The following SYNJ1 variants were observed in gnomAD, a reference collection of about 807,000 sequenced individuals.
The protein encoded by SYNJ1 is synaptojanin 1, also known as polyphosphatidylinositol phosphatase SYNJ1.
Under a neutral mutation model 168.2 loss-of-function variants are expected in SYNJ1, and 78 were observed. That is an observed-to-expected ratio of 0.46 (90% CI 0.39 to 0.56). The LOEUF is 0.56. SYNJ1 is among the 20% of genes least tolerant of loss of function. SYNJ1 has a pLI of 0.00. For missense variants in SYNJ1, 1,303 were observed against 1,597.6 expected (o/e 0.82, Z 3.14); for synonymous variants, 539 against 548.6 (o/e 0.98, Z 0.24).
chr21:32,643,411 T>C lies in SYNJ1; in HGVS notation c.3477A>G (p.Glu1159=). Residue 1159 remains glutamate (E), a splice_region_variant and synonymous_variant, in exon 27 of 33, where the codon GAA becomes GAG. Transcript: ENST00000674351. ...PSPGVARREM[E]APKSPGTTRK... ...TCTATAATGCAAGAGTCTTGTTACCTTCCATCTCTCTCCTAGCTACCCCAG... is the reference window on the plus strand; with the variant it reads ...TCTATAATGCAAGAGTCTTGTTACCCTCCATCTCTCTCCTAGCTACCCCAG... The C allele has an allele frequency of 6.2e-7, 1 of 1,613,676 alleles. No individual in the cohort carries two copies. The highest frequency in any genetic ancestry group is 8.5e-7 in the Non-Finnish European group (1 of 1,179,762).
chr21:32,642,781 C>T (rs963123822), intron 27 of SYNJ1, among the ~76,000 whole-genome samples: 9 of 152,196 alleles, frequency 5.9e-5, no homozygotes, highest in Non-Finnish European at 1.2e-4. Flanking sequence ...ATAAATTACT[C>T]TTGGAGCCAA....
chr21:32,724,188 T>C (rs1423751801), intron 2 of SYNJ1, among the ~76,000 whole-genome samples: 1 of 152,058 alleles, frequency 6.6e-6, no homozygotes, highest in Non-Finnish European at 1.5e-5. Flanking sequence ...TTTGCTTTAA[T>C]ATAAAAAATG....
chr21:32,686,082 T>A (rs1267448482), intron 8 of SYNJ1, among the ~76,000 whole-genome samples, 165 bp from the exon 9 acceptor site: 1 of 152,202 alleles, frequency 6.6e-6, no homozygotes, highest in African/African-American at 2.4e-5. Flanking sequence ...TGTACTTAAA[T>A]AATATTCTCA....
At chr21:32,725,911 G>A (rs2043430028) in intron 2 of SYNJ1, among the ~76,000 whole-genome samples, 1 of 152,118 alleles carries the variant, frequency 6.6e-6, no homozygotes, top group Admixed American at 6.5e-5. Flanking sequence ...CGAGATCAAG[G>A]CTCACTGCAG....
At chr21:32,712,759 G>A (rs1050291678) in intron 2 of SYNJ1, among the ~76,000 whole-genome samples, 3 of 152,130 alleles carry the variant, frequency 2.0e-5, no homozygotes, top group Non-Finnish European at 2.9e-5. Flanking sequence ...ATTACAATGG[G>A]AGAACCTAAT....
intron 2 of SYNJ1, among the ~76,000 whole-genome samples, chr21:32,715,248 G>A (rs1438829367): frequency 6.6e-6 from 1 of 152,176 alleles, no homozygotes; most frequent in Non-Finnish European, 1.5e-5. Context: ...TGAGGCAGGT[G>A]GATCACTTGA....
At chr21:32,687,907 ACT>A (rs1569095032) in intron 7 of SYNJ1, among the ~76,000 whole-genome samples, 1 of 151,874 alleles carries the variant, frequency 6.6e-6, no homozygotes, top group Non-Finnish European at 1.5e-5. Flanking sequence ...TAGAACCAAT[ACT>A]CTGAGTATAC....
intron 18 of SYNJ1, among the ~76,000 whole-genome samples, chr21:32,659,947 C>T (rs894595552): frequency 3.9e-5 from 6 of 152,198 alleles, no homozygotes; most frequent in Non-Finnish European, 8.8e-5. Flanking sequence ...TTGAGCAATG[C>T]GGATCCTGAG....
At chr21:32,722,713 C>A (rs1185885261) in intron 2 of SYNJ1, among the ~76,000 whole-genome samples, 1 of 152,130 alleles carries the variant, frequency 6.6e-6, no homozygotes, top group African/African-American at 2.4e-5. Flanking sequence ...AGCACTAAGA[C>A]TGCAAATATT....
At position 32,726,803 on chromosome 21, in the gene SYNJ1, G is replaced by A; in HGVS notation, c.93C>T (p.Leu31=). Residue 31 remains leucine, a synonymous_variant, in exon 2 of 33, where the codon CTC becomes CTT. Transcript: ENST00000674351. The part of the protein sequence containing the change: ...IVETRHKEEC[L]MFESGAVAVL... ...CAGCGACAGCCCCAGACTCGAACAT[G>A]AGACATTCTTCCTTATGCCTAGTTT... The A allele has an allele frequency of 6.2e-7, 1 of 1,614,170 alleles. No homozygotes were observed. The highest frequency in any genetic ancestry group is 8.5e-7 in the Non-Finnish European group (1 of 1,180,030).
At chr21:32,644,208 AG>A (rs1354820071) in intron 26 of SYNJ1, among the ~76,000 whole-genome samples, 1 of 152,246 alleles carries the variant, frequency 6.6e-6, no homozygotes, top group Non-Finnish European at 1.5e-5. Flanking sequence ...TGTTTTCTGT[AG>A]GTCAATGGAG....
intron 2 of SYNJ1, among the ~76,000 whole-genome samples, chr21:32,708,139 G>T (rs185990739): frequency 1.3e-5 from 2 of 152,206 alleles, no homozygotes; most frequent in Non-Finnish European, 1.5e-5. Context: ...CCTGTGGCAG[G>T]GAGTAGTAAG....
At chr21:32,646,102 G>C in intron 24 of SYNJ1, 2 of 679,000 alleles carry the variant, frequency 2.9e-6, no homozygotes, top group Non-Finnish European at 5.4e-6. Context: ...GGCCAGTAGA[G>C]AGAAGAAAAA....
At chr21:32,717,469 G>A (rs1016923903) in intron 2 of SYNJ1, among the ~76,000 whole-genome samples, 4 of 152,054 alleles carry the variant, frequency 2.6e-5, no homozygotes, top group Admixed American at 1.3e-4. Flanking sequence ...TTGGAAGTTC[G>A]GTTACTTGGA....
chr21:32,688,555 T>TA (rs2041913616), intron 6 of SYNJ1, among the ~76,000 whole-genome samples, 188 bp from the exon 7 acceptor site: 1 of 152,158 alleles, frequency 6.6e-6, no homozygotes, highest in Non-Finnish European at 1.5e-5. Flanking sequence ...CCTTTATTTT[T>TA]AAAAAACCAA....
intron 22 of SYNJ1, 77 bp downstream of exon 22, chr21:32,653,211 G>T (rs2040338737): frequency 1.8e-6 from 2 of 1,135,690 alleles, no homozygotes; most frequent in Non-Finnish European, 1.3e-6. Context: ...TAATCTTGCT[G>T]CATGTCTATA....
intron 18 of SYNJ1, 139 bp from the exon 19 acceptor site, chr21:32,658,011 G>A (rs994027094): frequency 1.6e-6 from 1 of 644,982 alleles, no homozygotes; most frequent in Admixed American, 3.0e-5. Context: ...AACACTTCTA[G>A]CTGAATGGAA....
chr21:32,701,773 C>T (rs1489504170), intron 3 of SYNJ1, among the ~76,000 whole-genome samples, 188 bp downstream of exon 3: 2 of 152,178 alleles, frequency 1.3e-5, no homozygotes, highest in Non-Finnish European at 2.9e-5. Flanking sequence ...TGAGTTTGAG[C>T]ATGTAGCACG....
chr21:32,653,029 T>C (rs765709711), intron 22 of SYNJ1, among the ~76,000 whole-genome samples: 3 of 152,244 alleles, frequency 2.0e-5, no homozygotes, highest in Admixed American at 6.5e-5. Flanking sequence ...CATCATAAAA[T>C]GTAATAAATC....
Sources: allele counts gnomAD v4.1 joint callset (sites outside exome capture counted in the v4.1 genomes callset), GRCh38; gene constraint gnomAD v4.1.1; transcripts MANE v1.5; gene names NCBI Gene and HGNC (gene_info 2026-07-23, HGNC 2026-07-21).